The following TMEM268 variants were observed in gnomAD, a reference collection of about 807,000 sequenced individuals.
The protein encoded by TMEM268 is transmembrane protein C9orf91.
Under a neutral mutation model 39.1 loss-of-function variants are expected in TMEM268, and 24 were observed. That is an observed-to-expected ratio of 0.61 (90% CI 0.44 to 0.86). TMEM268 has a LOEUF of 0.86. TMEM268 is among the 40% of genes least tolerant of loss of function. TMEM268 has a pLI of 0.00. For missense variants in TMEM268, 409 were observed against 428.6 expected (o/e 0.95, Z 0.40); for synonymous variants, 176 against 173.5 (o/e 1.01, Z -0.12).
intron 8 of TMEM268, 41 bp from the exon 9 acceptor site, chr9:114,643,093 G>A (rs766252446): frequency 1.9e-6 from 3 of 1,606,836 alleles, no homozygotes; most frequent in Non-Finnish European, 1.7e-6. Context: ...TCCTCAAGGG[G>A]CTCCCCTGTG....
chr9:114,613,410 G>A (rs1379202396), intron 1 of TMEM268, among the ~76,000 whole-genome samples: 1 of 152,192 alleles, frequency 6.6e-6, no homozygotes, highest in Non-Finnish European at 1.5e-5. Flanking sequence ...CTGGGCTGTA[G>A]GCCCCTAGCT....
chr9:114,636,867 T>G, intron 6 of TMEM268, 123 bp from the exon 7 acceptor site: 1 of 650,594 alleles, frequency 1.5e-6, no homozygotes, highest in South Asian at 2.0e-5. Flanking sequence ...AATGAGACAT[T>G]GTCATGGTGC....
At chr9:114,606,918 T>G (rs781676411), upstream of TMEM268, among the ~76,000 whole-genome samples, 95 of 152,262 alleles carry the variant, frequency 6.2e-4, no homozygotes, top group Non-Finnish European at 1.1e-3. Context: ...GATCTTTGCC[T>G]TTTCACTTAC....
rs1292554854 is a variant in TMEM268, at chr9:114,643,124, C to T, written c.850-10C>T. ...CTGTGGTATTCAATCTGCTTCCCTG[C>T]CTCTTCTAGGAAATGGCCCGCCAGC... On this transcript the variant is annotated splice_polypyrimidine_tract_variant and intron_variant, in intron 8 of 8. Transcript: ENST00000288502. 6.2e-7 allele frequency: 1 copy of T among 1,613,944 alleles called. No individual in the cohort carries two copies. The highest frequency in any genetic ancestry group is 1.7e-5 in the Admixed American group (1 of 60,010).
chr9:114,644,133 G>A lies in TMEM268; in HGVS notation c.*820G>A, dbSNP rs1217160710. The A allele has an allele frequency of 6.6e-6, 1 of 152,368 alleles. No homozygotes were observed. The highest frequency in any genetic ancestry group is 2.4e-5 in the African/African-American group (1 of 41,452). The allele number at this position is 152,368 out of a possible 1,614,324, so 9.4% of individuals were successfully genotyped here. ...TGGAATGAAGTGTGATCAGCCACTT[G>A]TGGAATTCTTTGAAGAGCTCAGAGG... On this transcript the variant is annotated 3_prime_UTR_variant, in exon 9 of 9. Transcript: ENST00000288502.
intron 3 of TMEM268, among the ~76,000 whole-genome samples, chr9:114,626,091 C>T (rs781228217): frequency 7.2e-5 from 11 of 152,068 alleles, no homozygotes; most frequent in East Asian, 5.8e-4. Context: ...TCCCAAAGTG[C>T]GGGGATTACA....
At chr9:114,640,381 G>C (rs191336820) in intron 8 of TMEM268, among the ~76,000 whole-genome samples, 22 of 152,258 alleles carry the variant, frequency 1.4e-4, no homozygotes, top group Non-Finnish European at 2.9e-5. Flanking sequence ...ATTTCAGTAG[G>C]AACCTAGTGT....
chr9:114,616,950 TCTC>T (rs750991558), intron 1 of TMEM268, among the ~76,000 whole-genome samples, 165 bp from the exon 2 acceptor site: 3 of 152,106 alleles, frequency 2.0e-5, no homozygotes, highest in Non-Finnish European at 2.9e-5. Flanking sequence ...TCCTCCTCCT[TCTC>T]CTCCTGGGAA....
At chr9:114,633,386 T>G (rs953753046) in intron 5 of TMEM268, among the ~76,000 whole-genome samples, 1 of 152,086 alleles carries the variant, frequency 6.6e-6, no homozygotes, top group Admixed American at 6.6e-5. Context: ...GGTCTCGAAC[T>G]CCTGACCTTG....
chr9:114,610,959 C>T (rs180934322), upstream of TMEM268, among the ~76,000 whole-genome samples: 33 of 152,300 alleles, frequency 2.2e-4, no homozygotes, highest in African/African-American at 7.0e-4. Context: ...CGGTGGCTCA[C>T]GCCTGTAATC....
At chr9:114,620,436 G>T (rs552982734) in intron 2 of TMEM268, among the ~76,000 whole-genome samples, 1 of 151,840 alleles carries the variant, frequency 6.6e-6, no homozygotes, top group Non-Finnish European at 1.5e-5. Context: ...TTGTAGAGAC[G>T]GGGTTTTTCA....
At position 114,641,167 on chromosome 9, in the gene TMEM268, C is replaced by G. The variant is rs10982348; in HGVS notation, c.850-1967C>G. On this transcript the variant is annotated intron_variant, in intron 8 of 8. Coordinates refer to ENST00000288502, the MANE Select transcript of TMEM268 (RefSeq NM_153045.4). ...CTAGGATTACAGGTGTGAGCCACCG[C>G]GCCCGGCCTCTATTAGTCTCTTTAA... Among the ~76,000 whole-genome samples, 6 of 152,212 alleles carry G rather than the reference C, an allele frequency of 3.9e-5. No homozygotes were observed. In the East Asian group the frequency reaches 1.2e-3, roughly 29 times the overall value.
chr9:114,617,046 G>T (rs1368441478), intron 1 of TMEM268, 72 bp from the exon 2 acceptor site: 14 of 559,092 alleles, frequency 2.5e-5, no homozygotes, highest in Non-Finnish European at 4.1e-5. Flanking sequence ...CTTTGGCCCT[G>T]GAGACAGCCC....
chr9:114,628,009 A>C, intron 4 of TMEM268, 92 bp from the exon 5 acceptor site: 2 of 1,368,474 alleles, frequency 1.5e-6, no homozygotes, highest in Non-Finnish European at 2.1e-6. Flanking sequence ...CAAGGAGGGT[A>C]TCAGTAGTGT....
chr9:114,604,600 A>G, the TMEM268 span, among the ~76,000 whole-genome samples: 1 of 151,562 alleles, frequency 6.6e-6, no homozygotes, highest in Non-Finnish European at 1.5e-5. Context: ...AAAAAAAAAA[A>G]AAAAAGACAT....
intron 4 of TMEM268, 77 bp from the exon 5 acceptor site, chr9:114,628,024 A>G: frequency 6.5e-7 from 1 of 1,528,454 alleles, no homozygotes; most frequent in Non-Finnish European, 9.0e-7. Flanking sequence ...TAGTGTCTGA[A>G]AGGTGTCCCT....
rs1011432902 is a variant in TMEM268, at chr9:114,645,483, C to G, written c.*2170C>G. ...AAGAGAGATCATGGGTATAGACCAG[C>G]CCCTGGAAAGGCTGCTTTGGTCAAG... On this transcript the variant is annotated 3_prime_UTR_variant, in exon 9 of 9. Coordinates refer to ENST00000288502, the MANE Select transcript of TMEM268 (RefSeq NM_153045.4). The G allele has an allele frequency of 6.6e-6, 1 of 152,358 alleles. No individual in the cohort carries two copies. Among genetic ancestry groups the G allele is most frequent in the African/African-American group, 2.4e-5 (1 of 41,436 alleles). The allele number at this position is 152,358 out of a possible 1,614,324, so 9.4% of individuals were successfully genotyped here. A position where few individuals can be genotyped will look rare whatever the true frequency, so the allele number is the denominator to read the frequency against.
At chr9:114,610,157 A>G (rs916723765), upstream of TMEM268, among the ~76,000 whole-genome samples, 1 of 151,792 alleles carries the variant, frequency 6.6e-6, no homozygotes, top group Non-Finnish European at 1.5e-5. Context: ...CTCCTGCCTC[A>G]GTCTCCCGAG....
chr9:114,627,082 G>C, intron 4 of TMEM268, 76 bp downstream of exon 4: 2 of 1,107,338 alleles, frequency 1.8e-6, no homozygotes, highest in Non-Finnish European at 2.7e-6. Flanking sequence ...CCGTGTCTTG[G>C]AGCCTGTTGG....
Sources: gnomAD v4.1 joint callset for allele counts (sites outside exome capture counted in the v4.1 genomes callset) on GRCh38, gnomAD v4.1.1 for gene constraint, MANE v1.5 for transcripts, NCBI Gene and HGNC (gene_info 2026-07-23, HGNC 2026-07-21) for gene names.